Variants in TTYH2 observed in about 807,000 individuals in gnomAD.
The protein encoded by TTYH2 is tweety family member 2, also known as protein tweety homolog 2.
TTYH2 carries 49 observed loss-of-function variants against 68.3 expected under a neutral mutation model. That is an observed-to-expected ratio of 0.72 (90% CI 0.57 to 0.91). TTYH2 has a LOEUF of 0.91. Ranked by LOEUF, TTYH2 falls within the 40% of genes least tolerant of loss-of-function variation. TTYH2 has a pLI of 0.00. For missense variants in TTYH2, 631 were observed against 700.4 expected (o/e 0.90, Z 1.12); for synonymous variants, 272 against 300.8 (o/e 0.90, Z 0.99).
chr17:74,241,809 C>T lies in TTYH2; in HGVS notation c.636-1565C>T, dbSNP rs1258718023. Among the ~76,000 whole-genome samples, 1 of 152,176 alleles carries T rather than the reference C, an allele frequency of 6.6e-6. No homozygotes were observed. Among genetic ancestry groups the T allele is most frequent in the Admixed American group, 6.5e-5 (1 of 15,282 alleles). On this transcript the variant is annotated intron_variant, in intron 4 of 13. Transcript: ENST00000269346. The surrounding 1 kb of genome is among the most constrained non-coding windows in gnomAD (Gnocchi z 4.1). ...GTCTCTGTGCCCGCCCCTCCTCTGT[C>T]CACTCTCCCGCTGGTGCCCAGCACA...
At position 74,239,914 on chromosome 17, in the gene TTYH2, C is replaced by T. The variant is rs894482279; in HGVS notation, c.635+2400C>T. Among the ~76,000 whole-genome samples, 34 of 152,242 alleles carry T rather than the reference C, an allele frequency of 2.2e-4. No individual in the cohort carries two copies. The highest frequency in any genetic ancestry group is 2.0e-4 in the Admixed American group (3 of 15,282). ...GCAGGGGCAGGACCCATTTTAACGT[C>T]ACTCTTCTCTGAGCACACCTAGCAG... On this transcript the variant is annotated intron_variant, in intron 4 of 13. Transcript: ENST00000269346. This position sits in a 1 kb window ranked among gnomAD's most constrained non-coding sequence, Gnocchi z 5.3.
At chr17:74,259,231 A>G (rs1468614503) in intron 13 of TTYH2, among the ~76,000 whole-genome samples, 3 of 151,786 alleles carry the variant, frequency 2.0e-5, no homozygotes, top group Admixed American at 6.6e-5. Context: ...TTTTTAAGAG[A>G]GAGGGTCTCG....
intron 12 of TTYH2, 69 bp from the exon 13 acceptor site, chr17:74,253,686 C>T: frequency 1.3e-6 from 2 of 1,506,494 alleles, no homozygotes; most frequent in Non-Finnish European, 1.8e-6. Context: ...ATGGGACCCT[C>T]CTGTAGAAAT....
intron 3 of TTYH2, among the ~76,000 whole-genome samples, chr17:74,234,576 T>G (rs2050423423): frequency 6.6e-6 from 1 of 152,136 alleles, no homozygotes; most frequent in Non-Finnish European, 1.5e-5. Flanking sequence ...AAAAAACAAT[T>G]TTTTAGTTTT....
chr17:74,242,950 C>T (rs2050516863), intron 4 of TTYH2, among the ~76,000 whole-genome samples: 1 of 152,112 alleles, frequency 6.6e-6, no homozygotes, highest in Admixed American at 6.5e-5. Flanking sequence ...GGTGGTAGCC[C>T]CAGCCATGTG....
chr17:74,237,262 C>T (rs756141048), intron 3 of TTYH2, 32 bp from the exon 4 acceptor site: 1 of 1,607,186 alleles, frequency 6.2e-7, no homozygotes, highest in South Asian at 1.1e-5. Flanking sequence ...GAAGCTCTAC[C>T]TCCATGGCTT....
rs1244416710 is a variant in TTYH2, at chr17:74,248,414, G to T, written c.805-597G>T. 3.0e-6 allele frequency: 3 copies of T among 986,656 alleles called. No individual in the cohort carries two copies. The East Asian group carries it at 3.4e-4, about 112-fold the overall frequency. 61.1% of individuals were successfully genotyped at this position (986,656 alleles called of 1,614,324 possible). On this transcript the variant is annotated intron_variant, in intron 6 of 13. Coordinates refer to ENST00000269346, the MANE Select transcript of TTYH2 (RefSeq NM_032646.6). Reference sequence around the variant, plus strand: ...GGCCAGGTCCTCCAGCTCATAAGTGGCAGCCGCCTCTCAGCTCCATGCCCT... The same window carrying T: ...GGCCAGGTCCTCCAGCTCATAAGTGTCAGCCGCCTCTCAGCTCCATGCCCT...
intron 6 of TTYH2, chr17:74,248,673 G>A (rs1197237167): frequency 6.8e-6 from 8 of 1,178,364 alleles, no homozygotes; most frequent in Middle Eastern, 3.6e-4. Context: ...GGCCCCCAAA[G>A]GTCTGTCCCA....
chr17:74,234,989 C>T (rs2050428163), intron 3 of TTYH2, among the ~76,000 whole-genome samples: 1 of 152,138 alleles, frequency 6.6e-6, no homozygotes, highest in Non-Finnish European at 1.5e-5. Context: ...GTCTTTTCCC[C>T]TGTGCTTCGG....
chr17:74,257,844 G>A (rs2050708561), intron 13 of TTYH2, among the ~76,000 whole-genome samples: 1 of 152,124 alleles, frequency 6.6e-6, no homozygotes, highest in Admixed American at 6.6e-5. Context: ...ATTCAAGTTG[G>A]GAAATATTGC....
intron 2 of TTYH2, among the ~76,000 whole-genome samples, chr17:74,229,014 G>A (rs73995094): frequency 0.012 from 1,775 of 152,244 alleles, 31 homozygotes; most frequent in African/African-American, 0.041. Context: ...CTTCTTCCAG[G>A]CTGCCCTAGA....
intron 3 of TTYH2, among the ~76,000 whole-genome samples, chr17:74,236,718 G>A (rs759723313): frequency 5.3e-5 from 8 of 152,048 alleles, no homozygotes; most frequent in South Asian, 2.1e-4. Flanking sequence ...TCTCTCTCTC[G>A]GAGCCCAGAT....
At chr17:74,235,524 C>T (rs962573366) in intron 3 of TTYH2, among the ~76,000 whole-genome samples, 4 of 152,230 alleles carry the variant, frequency 2.6e-5, no homozygotes, top group Admixed American at 2.6e-4. Flanking sequence ...GTGGGAAAGT[C>T]CCGCTAACCA....
intron 2 of TTYH2, 138 bp from the exon 3 acceptor site, chr17:74,230,750 A>G: frequency 1.3e-6 from 1 of 749,804 alleles, no homozygotes; most frequent in Non-Finnish European, 2.1e-6. Context: ...AAGCAATTCT[A>G]TGCCTCAACT....
At position 74,215,253 on chromosome 17, in the gene TTYH2, CAT is replaced by C. The variant is rs540018338; in HGVS notation, c.129+1539_129+1540del. Among the ~76,000 whole-genome samples, 252 of 152,040 alleles carry C rather than the reference CAT, an allele frequency of 1.7e-3. No individual in the cohort carries two copies. Among genetic ancestry groups the C allele is most frequent in the African/African-American group, 5.7e-3 (237 of 41,408 alleles). Reference sequence around the variant, plus strand: ...ACATCCCACACCCGGGGTCTCCAGCCATAGTTTTCTCCTCTCCACTGGAGGAA... The same window carrying C: ...ACATCCCACACCCGGGGTCTCCAGCCAGTTTTCTCCTCTCCACTGGAGGAA... On this transcript the variant is annotated intron_variant, in intron 1 of 13. Transcript: ENST00000269346. This position sits in a 1 kb window ranked among gnomAD's most constrained non-coding sequence, Gnocchi z 4.3.
chr17:74,222,373 G>A lies in TTYH2; in HGVS notation c.130-112G>A. The stretch of plus-strand genomic sequence containing the variant: ...AACCCTAGGTGGAGCTTGGAAGGAT[G>A]GACGAGAGATGCAGCTCAGGCAGTG... On this transcript the variant is annotated intron_variant, in intron 1 of 13. Coordinates refer to ENST00000269346, the MANE Select transcript of TTYH2 (RefSeq NM_032646.6). The surrounding 1 kb of genome is among the most constrained non-coding windows in gnomAD (Gnocchi z 5.2). 1 of 1,271,734 alleles carries A rather than the reference G, an allele frequency of 7.9e-7. No individual in the cohort carries two copies. Among genetic ancestry groups the A allele is most frequent in the Non-Finnish European group, 1.1e-6 (1 of 935,094 alleles). 78.8% of individuals were successfully genotyped at this position (1,271,734 alleles called of 1,614,324 possible). A position where few individuals can be genotyped will look rare whatever the true frequency, so the allele number is the denominator to read the frequency against.
At position 74,217,277 on chromosome 17, in the gene TTYH2, C is replaced by A. The variant is rs1598211165; in HGVS notation, c.129+3561C>A. 6.6e-6 allele frequency among the ~76,000 whole-genome samples: 1 copy of A among 152,220 alleles called. No individual in the cohort carries two copies. The highest frequency in any genetic ancestry group is 1.9e-4 in the East Asian group (1 of 5,204). Reference sequence around the variant, plus strand: ...CTTCCCTTGCCCAGGATCAGCCGACCAGCTGCTCTTTGGGGACATGTGTTA... The same window carrying A: ...CTTCCCTTGCCCAGGATCAGCCGACAAGCTGCTCTTTGGGGACATGTGTTA... On this transcript the variant is annotated intron_variant, in intron 1 of 13. Transcript: ENST00000269346. This position sits in a 1 kb window ranked among gnomAD's most constrained non-coding sequence, Gnocchi z 4.0.
chr17:74,249,606 A>G (rs2050597716), intron 8 of TTYH2, among the ~76,000 whole-genome samples: 1 of 152,188 alleles, frequency 6.6e-6, no homozygotes. Context: ...TGCGGGAGCT[A>G]GTTCCCATGC....
chr17:74,238,254 G>C (rs762654984), intron 4 of TTYH2, among the ~76,000 whole-genome samples: 1 of 152,204 alleles, frequency 6.6e-6, no homozygotes, highest in African/African-American at 2.4e-5. Context: ...GTTATGGGGG[G>C]TTGAGGAGAT....
Sources: allele counts gnomAD v4.1 joint callset (sites outside exome capture counted in the v4.1 genomes callset), GRCh38; gene constraint gnomAD v4.1.1; non-coding constraint Gnocchi (gnomAD v3.1); transcripts MANE v1.5; gene names NCBI Gene and HGNC (gene_info 2026-07-23, HGNC 2026-07-21).